Variants in COQ5 observed in about 807,000 individuals in gnomAD.
COQ5 encodes 2-methoxy-6-polyprenyl-1,4-benzoquinol methylase, mitochondrial.
COQ5 carries 27 observed loss-of-function variants against 40.5 expected under a neutral mutation model. The observed-to-expected ratio is 0.67, with a 90% confidence interval of 0.49 to 0.92. The LOEUF (loss-of-function observed/expected upper bound fraction) is 0.92, where lower values mean the gene tolerates loss of function less well. Ranked by LOEUF, COQ5 falls within the 40% of genes least tolerant of loss-of-function variation. The pLI, the probability that COQ5 is intolerant of heterozygous loss-of-function variation, is 0.00. For missense variants in COQ5, 409 were observed against 406.4 expected, an observed-to-expected ratio of 1.01 and a Z score of -0.06; for synonymous variants, 141 against 150.0, an observed-to-expected ratio of 0.94 and a Z score of 0.44.
Position 120,510,116 on chromosome 12 carries a change from T to A in COQ5, c.582A>T (p.Ala194=). The A allele has an allele frequency of 2.5e-6, 4 of 1,613,106 alleles. No individual in the cohort carries two copies. The change falls in exon 4 of 7, where the codon GCA becomes GCT. Residue 194 remains alanine (A), a synonymous_variant. Transcript: ENST00000288532. ...GTTCTTCAGCATCTCCTAATACCCA[T>A]GCAAGTCCTGAAAGAGAAAGTGAGT... The part of the protein sequence containing the change: ...ALAQGYRAGL[A]WVLGDAEELP...
At chr12:120,528,060 G>A (rs948805317) in intron 1 of COQ5, among the ~76,000 whole-genome samples, 1 of 137,822 alleles carries the variant, frequency 7.3e-6, no homozygotes, top group Non-Finnish European at 1.5e-5. Context: ...AAATTAGCAG[G>A]GCACAGTGGC....
At chr12:120,526,519 C>T in intron 1 of COQ5, 4 of 453,264 alleles carry the variant, frequency 8.8e-6, no homozygotes, top group South Asian at 6.3e-5. Flanking sequence ...GAAGTGATGC[C>T]AGCAAAAACT....
At chr12:120,527,460 A>C (rs1234785486) in intron 1 of COQ5, 1 of 152,086 alleles carries the variant, frequency 6.6e-6, no homozygotes, top group Non-Finnish European at 1.5e-5. Context: ...ATGGTTGATA[A>C]TTTTTAAAGG....
At chr12:120,523,737 C>T (rs1179165302) in intron 1 of COQ5, 4 of 219,538 alleles carry the variant, frequency 1.8e-5, no homozygotes, top group East Asian at 1.7e-4. Context: ...ATACAGGGCA[C>T]GGTGGCTCTT....
chr12:120,503,442 A>G lies in COQ5; in HGVS notation c.*342T>C. On this transcript the variant is annotated 3_prime_UTR_variant, in exon 7 of 7. Coordinates refer to ENST00000288532, the MANE Select transcript of COQ5 (RefSeq NM_032314.4). ...TTCAAATGATCTATCATCCCTCTAGAAGGCAGCACCAGCAGAGAAGCTATA... is the reference window on the plus strand; with the variant it reads ...TTCAAATGATCTATCATCCCTCTAGGAGGCAGCACCAGCAGAGAAGCTATA... 2.3e-6 allele frequency: 1 copy of G among 427,594 alleles called. No individual in the cohort carries two copies. Among genetic ancestry groups the G allele is most frequent in the Non-Finnish European group, 4.6e-6 (1 of 218,414 alleles). The allele number at this position is 427,594 out of a possible 1,614,324, so 26.5% of individuals were successfully genotyped here.
intron 2 of COQ5, among the ~76,000 whole-genome samples, chr12:120,520,082 G>A (rs531278308): frequency 3.2e-4 from 49 of 151,496 alleles, no homozygotes; most frequent in East Asian, 9.7e-4. Flanking sequence ...TTACTCTATC[G>A]TTACTAATTA....
chr12:120,523,250 T>C (rs1298519782), intron 1 of COQ5: 5 of 191,712 alleles, frequency 2.6e-5, no homozygotes, highest in Non-Finnish European at 4.3e-5. Context: ...GGCAGGAGAA[T>C]GGCGTGAACC....
chr12:120,504,141 A>G, intron 5 of COQ5, 60 bp from the exon 6 acceptor site: 2 of 1,036,054 alleles, frequency 1.9e-6, no homozygotes, highest in South Asian at 2.5e-5. Context: ...TCTTCCCTAG[A>G]TAAGAAGAAA....
At chr12:120,509,954 G>T in intron 4 of COQ5, 63 bp downstream of exon 4, 1 of 1,287,340 alleles carries the variant, frequency 7.8e-7, no homozygotes, top group Non-Finnish European at 1.1e-6. Flanking sequence ...CTCACTCACT[G>T]TAGCTCTACA....
intron 1 of COQ5, chr12:120,522,938 G>T: frequency 1.6e-6 from 1 of 638,122 alleles, no homozygotes; most frequent in South Asian, 2.1e-5. Flanking sequence ...CCCTGGCACT[G>T]TTGGCCTGCA....
At chr12:120,522,071 C>A in intron 2 of COQ5, 143 bp downstream of exon 2, 2 of 753,686 alleles carry the variant, frequency 2.7e-6, no homozygotes, top group Non-Finnish European at 4.3e-6. Flanking sequence ...AAGATAAGTG[C>A]GTGCCTTTCT....
chr12:120,516,728 C>G lies in COQ5; in HGVS notation c.413G>C (p.Arg138Thr), dbSNP rs1032915160. 2 of 1,614,198 alleles carry G rather than the reference C, an allele frequency of 1.2e-6. No homozygotes were observed. Among genetic ancestry groups the G allele is most frequent in the Non-Finnish European group, 1.7e-6 (2 of 1,180,042 alleles). Residue 138 changes from arginine (R) to threonine (T), a missense_variant, in exon 3 of 7, where the codon AGG becomes ACG. By Grantham distance (71) the Arg-to-Thr change is moderately conservative (BLOSUM62 -1). Transcript: ENST00000288532. The part of the protein sequence containing the change: ...VQSQHQRKQK[R>T]QLRAQQNLSW... Reference sequence around the variant, plus strand: ...TAAATTTTGTTGGGCCCTTAACTGCCTCTTCTGTTTTCTCTGATGCTGGGA... The same window carrying G: ...TAAATTTTGTTGGGCCCTTAACTGCGTCTTCTGTTTTCTCTGATGCTGGGA...
chr12:120,519,645 T>G (rs1160676289), intron 2 of COQ5, among the ~76,000 whole-genome samples: 1 of 151,684 alleles, frequency 6.6e-6, no homozygotes, highest in Admixed American at 6.6e-5. Flanking sequence ...CTGAGGTGGG[T>G]GTATCACCTG....
In COQ5 at chr12:120,503,574, TG is replaced by T. The variant is rs745682318; in HGVS notation, c.*209del. 4.6e-5 allele frequency: 31 copies of T among 671,476 alleles called. No individual in the cohort carries two copies. In the Admixed American group the frequency reaches 6.1e-4, roughly 13 times the overall value. The allele number at this position is 671,476 out of a possible 1,614,324, so 41.6% of individuals were successfully genotyped here. On this transcript the variant is annotated 3_prime_UTR_variant, in exon 7 of 7. Coordinates refer to ENST00000288532, the MANE Select transcript of COQ5 (RefSeq NM_032314.4). ...AGCAAAGATACAGACCAAATGCCTC[TG>T]GGAGATGGACTGAAGCAGCTCCAAA...
intron 4 of COQ5, among the ~76,000 whole-genome samples, chr12:120,508,180 G>T (rs1868966383): frequency 1.3e-5 from 2 of 152,014 alleles, no homozygotes; most frequent in Non-Finnish European, 2.9e-5. Context: ...ATTTTTAGTA[G>T]AGACGGGGTT....
intron 3 of COQ5, among the ~76,000 whole-genome samples, chr12:120,516,024 A>G (rs1869360344): frequency 6.6e-6 from 1 of 152,206 alleles, no homozygotes; most frequent in African/African-American, 2.4e-5. Context: ...CTTGGGCTCA[A>G]GTAATCCTCC....
intron 1 of COQ5, among the ~76,000 whole-genome samples, chr12:120,524,782 T>C (rs1458018538): frequency 6.6e-6 from 1 of 151,972 alleles, no homozygotes; most frequent in Non-Finnish European, 1.5e-5. Flanking sequence ...ACGCCTATTC[T>C]CAACCTTCGG....
At chr12:120,506,310 C>T (rs962473115) in intron 4 of COQ5, among the ~76,000 whole-genome samples, 2 of 152,106 alleles carry the variant, frequency 1.3e-5, no homozygotes, top group Non-Finnish European at 2.9e-5. Flanking sequence ...TGTCAGCTGA[C>T]CTTCTAGAGA....
intron 1 of COQ5, among the ~76,000 whole-genome samples, chr12:120,524,523 G>A (rs368960610): frequency 1.6e-4 from 25 of 152,180 alleles, no homozygotes; most frequent in African/African-American, 5.5e-4. Context: ...GCCTCCCAAA[G>A]TGCTAGGATT....
Sources: gnomAD v4.1 joint callset for allele counts (sites outside exome capture counted in the v4.1 genomes callset) on GRCh38, gnomAD v4.1.1 for gene constraint, MANE v1.5 for transcripts, NCBI Gene and HGNC (gene_info 2026-07-23, HGNC 2026-07-21) for gene names.